Variants in LINGO2 observed in about 807,000 individuals in gnomAD.
LINGO2 encodes leucine-rich repeat and immunoglobulin-like domain-containing nogo receptor-interacting protein 2.
In LINGO2, 14 loss-of-function variants were observed where a neutral mutation model predicts 30.6. That is an observed-to-expected ratio of 0.46 (90% CI 0.30 to 0.72). LINGO2 has a LOEUF of 0.72. Ranked by LOEUF, LINGO2 falls within the 30% of genes least tolerant of loss-of-function variation. The pLI is 0.07. For synonymous variants in LINGO2, 317 were observed against 288.5 expected (o/e 1.10, Z -1.00); for missense variants, 729 against 751.7 (o/e 0.97, Z 0.35).
At chr9:29,049,431 C>T in the LINGO2 span, among the ~76,000 whole-genome samples, 1 of 152,242 alleles carries the variant, frequency 6.6e-6, no homozygotes, top group Middle Eastern at 3.4e-3. Flanking sequence ...ACCACATGGT[C>T]CAACAATCCC....
chr9:28,624,226 G>C (rs1341075517), intron 1 of LINGO2, among the ~76,000 whole-genome samples: 1 of 152,010 alleles, frequency 6.6e-6, no homozygotes. Flanking sequence ...AAACAGTAGT[G>C]AAATGGGTAT....
Position 28,650,160 on chromosome 9 carries a change from A to T in LINGO2, c.-365+20040T>A, listed in dbSNP as rs79731587. On this transcript the variant is annotated intron_variant, in intron 1 of 5. Coordinates refer to ENST00000379992, the Ensembl canonical transcript of LINGO2. ...AAGAAATGAAAAAAAAGAAAATTGG[A>T]CACCCTCAGAGTTGCACTGGAATAC... 3.1e-3 allele frequency among the ~76,000 whole-genome samples: 471 copies of T among 152,222 alleles called. 4 individuals carry two copies. Among genetic ancestry groups the T allele is most frequent in the Middle Eastern group, 0.014 (4 of 294 alleles).
At chr9:29,182,697 T>C in the LINGO2 span, among the ~76,000 whole-genome samples, 1 of 152,080 alleles carries the variant, frequency 6.6e-6, no homozygotes, top group Non-Finnish European at 1.5e-5. Flanking sequence ...GGTTTTTTTT[T>C]TTTTCATTTG....
At chr9:28,966,565 C>T in the LINGO2 span, among the ~76,000 whole-genome samples, 4 of 152,018 alleles carry the variant, frequency 2.6e-5, no homozygotes, top group African/African-American at 9.7e-5. Context: ...ACTATTACTC[C>T]TATCTTATGC....
chr9:28,696,061 A>C, the LINGO2 span, among the ~76,000 whole-genome samples: 1 of 151,890 alleles, frequency 6.6e-6, no homozygotes, highest in Non-Finnish European at 1.5e-5. Context: ...TGTTGATCTC[A>C]TTATCTATGC....
chr9:28,088,263 G>T (rs1381898599), intron 4 of LINGO2, among the ~76,000 whole-genome samples: 2 of 150,906 alleles, frequency 1.3e-5, no homozygotes, highest in Non-Finnish European at 3.0e-5. Context: ...ACAACTAATG[G>T]GTACATAAAT....
chr9:28,782,219 G>T, the LINGO2 span, among the ~76,000 whole-genome samples: 2 of 152,260 alleles, frequency 1.3e-5, no homozygotes, highest in African/African-American at 4.8e-5. Flanking sequence ...CTTCAATGGA[G>T]TCCTTAGTTC....
At chr9:28,109,903 T>A in intron 4 of LINGO2, among the ~76,000 whole-genome samples, 1 of 152,202 alleles carries the variant, frequency 6.6e-6, no homozygotes, top group East Asian at 1.9e-4. Flanking sequence ...ACTTTAAATT[T>A]CATATGGAAC....
intron 2 of LINGO2, among the ~76,000 whole-genome samples, chr9:28,377,550 G>A (rs1821179574): frequency 1.3e-5 from 2 of 152,046 alleles, no homozygotes; most frequent in Non-Finnish European, 2.9e-5. Flanking sequence ...CTGTGTGTGG[G>A]GGGGTTAGTT....
chr9:28,975,753 T>C, the LINGO2 span, among the ~76,000 whole-genome samples: 4 of 152,162 alleles, frequency 2.6e-5, no homozygotes, highest in South Asian at 8.3e-4. Context: ...AACTCTAGTG[T>C]CCTATGGAAT....
At chr9:28,085,516 T>G (rs921919706) in intron 4 of LINGO2, among the ~76,000 whole-genome samples, 1 of 152,094 alleles carries the variant, frequency 6.6e-6, no homozygotes, top group Non-Finnish European at 1.5e-5. Flanking sequence ...GAAATGCATG[T>G]CTGGTGTATC....
At chr9:28,683,902 T>C in the LINGO2 span, among the ~76,000 whole-genome samples, 1 of 152,172 alleles carries the variant, frequency 6.6e-6, no homozygotes, top group African/African-American at 2.4e-5. Flanking sequence ...ATTGTAGCCA[T>C]GTCTCACATG....
chr9:28,611,632 A>T (rs1825918970), intron 1 of LINGO2, among the ~76,000 whole-genome samples: 1 of 152,004 alleles, frequency 6.6e-6, no homozygotes, highest in South Asian at 2.1e-4. Context: ...AAGTAGAATC[A>T]TGTAGTTTGT....
the LINGO2 span, among the ~76,000 whole-genome samples, chr9:29,091,473 T>G: frequency 1.3e-5 from 2 of 152,040 alleles, no homozygotes; most frequent in African/African-American, 4.8e-5. Flanking sequence ...TATTTAAACT[T>G]AAAAGTCAGA....
At chr9:28,840,144 C>T in the LINGO2 span, among the ~76,000 whole-genome samples, 3 of 151,854 alleles carry the variant, frequency 2.0e-5, no homozygotes, top group Non-Finnish European at 4.4e-5. Flanking sequence ...AGGGGCTTCC[C>T]TGAGAGCACG....
chr9:28,108,351 G>C (rs1452967573), intron 4 of LINGO2, among the ~76,000 whole-genome samples: 1 of 152,092 alleles, frequency 6.6e-6, no homozygotes, highest in Non-Finnish European at 1.5e-5. Context: ...AGCCAAGTGT[G>C]CTACAACTAT....
chr9:28,789,627 T>G, the LINGO2 span, among the ~76,000 whole-genome samples: 1 of 152,056 alleles, frequency 6.6e-6, no homozygotes, highest in Non-Finnish European at 1.5e-5. Context: ...TACACCATGG[T>G]TAATTTAGAA....
intron 1 of LINGO2, among the ~76,000 whole-genome samples, chr9:28,584,652 C>T (rs1324075324): frequency 6.6e-6 from 1 of 151,922 alleles, no homozygotes; most frequent in Non-Finnish European, 1.5e-5. Flanking sequence ...CCTGCGATGA[C>T]TAATTCTTAT....
rs1010363454 is a variant in LINGO2, at chr9:28,079,244, T to C, written c.-86-66839A>G. On this transcript the variant is annotated intron_variant, in intron 4 of 5. Transcript: ENST00000379992. ...TCTAGCACTTGAATATAAACATGAT[T>C]TACTGAGTAAAATTTAACTTAGCAG... is the stretch of plus-strand genomic sequence containing the variant. Among the ~76,000 whole-genome samples the C allele has an allele frequency of 8.5e-5, 13 of 152,254 alleles. No individual in the cohort carries two copies. In the East Asian group the frequency reaches 2.3e-3, roughly 27 times the overall value.
Sources: gnomAD v4.1 joint callset for allele counts (sites outside exome capture counted in the v4.1 genomes callset) on GRCh38, gnomAD v4.1.1 for gene constraint, MANE v1.5 for transcripts, NCBI Gene and HGNC (gene_info 2026-07-23, HGNC 2026-07-21) for gene names.